Variants in LRPPRC observed in about 807,000 individuals in gnomAD.
The protein encoded by LRPPRC is leucine-rich PPR motif-containing protein, mitochondrial.
A neutral mutation model predicts 180.3 loss-of-function variants in LRPPRC; 120 were observed. The ratio of observed to expected loss-of-function variants is 0.67; its 90% confidence interval spans 0.57 to 0.77. The LOEUF (loss-of-function observed/expected upper bound fraction) is 0.77, where lower values mean the gene tolerates loss of function less well. Ranked by LOEUF, LRPPRC falls within the 30% of genes least tolerant of loss-of-function variation. The pLI is 0.00. For missense variants in LRPPRC, 2,012 were observed against 1,657.2 expected (o/e 1.21, Z -3.72); for synonymous variants, 723 against 600.0 (o/e 1.21, Z -3.00).
intron 25 of LRPPRC, among the ~76,000 whole-genome samples, chr2:43,929,851 C>A (rs1672021337): frequency 6.6e-6 from 1 of 152,072 alleles, no homozygotes; most frequent in African/African-American, 2.4e-5. Context: ...AAATTATCCA[C>A]TTGACCAGGT....
chr2:43,995,467 G>A (rs545691351), intron 1 of LRPPRC, among the ~76,000 whole-genome samples: 2 of 152,222 alleles, frequency 1.3e-5, no homozygotes, highest in Non-Finnish European at 2.9e-5. Context: ...GTAAGGAAAA[G>A]ACCACCACCC....
chr2:43,972,203 T>C (rs892090687), intron 11 of LRPPRC, among the ~76,000 whole-genome samples: 3 of 152,204 alleles, frequency 2.0e-5, no homozygotes, highest in South Asian at 2.1e-4. Flanking sequence ...AGTCACTGAA[T>C]GTCTGTGTGG....
chr2:43,947,271 G>A lies in LRPPRC; in HGVS notation c.2065C>T (p.Leu689Phe), dbSNP rs1302227495. ...RDVLKQLILV[L>F]CSEENMQKAL... ...ACAAATGTTACCTCTTCTGAACAAA[G>A]CACTAATATGAGTTGCTTTAGGACA... Residue 689 changes from leucine (L) to phenylalanine (F), a missense_variant, in exon 20 of 38, where the codon CTT becomes TTT. Physicochemically the swap from Leu to Phe is conservative, Grantham distance 22. Transcript: ENST00000260665. 2.6e-6 allele frequency: 4 copies of A among 1,564,408 alleles called. No homozygotes were observed. Among genetic ancestry groups the A allele is most frequent in the East Asian group, 4.5e-5 (2 of 44,514 alleles).
intron 27 of LRPPRC, among the ~76,000 whole-genome samples, chr2:43,920,119 T>C (rs1671646383): frequency 1.3e-5 from 2 of 148,626 alleles, no homozygotes; most frequent in African/African-American, 2.5e-5. Context: ...GAAATTCCCC[T>C]GGGTCACACA....
At chr2:43,907,359 A>AT (rs1328258281) in intron 30 of LRPPRC, among the ~76,000 whole-genome samples, 1 of 152,228 alleles carries the variant, frequency 6.6e-6, no homozygotes, top group Non-Finnish European at 1.5e-5. Flanking sequence ...AAAGGAAAAA[A>AT]TTTTAAAAAG....
intron 7 of LRPPRC, 73 bp from the exon 8 acceptor site, chr2:43,974,831 T>C: frequency 2.7e-6 from 4 of 1,469,846 alleles, no homozygotes; most frequent in Non-Finnish European, 1.9e-6. Context: ...AAATAAAATA[T>C]CCAGATTCAA....
chr2:43,937,969 C>A (rs1672333943), intron 23 of LRPPRC, among the ~76,000 whole-genome samples: 1 of 152,128 alleles, frequency 6.6e-6, no homozygotes, highest in African/African-American at 2.4e-5. Flanking sequence ...TGATTTAAAT[C>A]CTGCTAAGAA....
At chr2:43,923,577 A>G (rs1336677793) in intron 27 of LRPPRC, among the ~76,000 whole-genome samples, 1 of 152,176 alleles carries the variant, frequency 6.6e-6, no homozygotes, top group East Asian at 1.9e-4. Context: ...ACTACCACAT[A>G]CTTACAGTTG....
Position 43,950,608 on chromosome 2 carries a change from G to A in LRPPRC, c.1650-8C>T, listed in dbSNP as rs1369519127. On this transcript the variant is annotated splice_polypyrimidine_tract_variant and splice_region_variant and intron_variant, in intron 14 of 37. Coordinates refer to ENST00000260665, the MANE Select transcript of LRPPRC (RefSeq NM_133259.4). ...AGATTTATATTCATAGACCTGCAGA[G>A]GGCAGCAAAGGATCGAAAATAAACC... The A allele has an allele frequency of 6.2e-7, 1 of 1,612,276 alleles. No individual in the cohort carries two copies. The highest frequency in any genetic ancestry group is 8.5e-7 in the Non-Finnish European group (1 of 1,178,454).
At chr2:43,947,142 C>A (rs1672708686) in intron 20 of LRPPRC, 115 bp downstream of exon 20, 2 of 596,470 alleles carry the variant, frequency 3.4e-6, no homozygotes, top group Non-Finnish European at 5.9e-6. Context: ...GCATTCTTTA[C>A]AAGCCTGACA....
In LRPPRC at chr2:43,974,154, T is replaced by A; in HGVS notation, c.1151A>T (p.Asn384Ile). The A allele has an allele frequency of 6.2e-7, 1 of 1,613,582 alleles. No homozygotes were observed. Among genetic ancestry groups the A allele is most frequent in the South Asian group, 1.1e-5 (1 of 91,062 alleles). The stretch of plus-strand genomic sequence containing the variant: ...AAGTAAAAGTGGACAGAATACCGTA[T>A]TCATAGTCACACAGTGTTGTAAAAA... ...SFFLQHCVTMNTPVEKLTDYC... is the reference protein window; with the variant it reads ...SFFLQHCVTMITPVEKLTDYC... The change falls in exon 9 of 38, where the codon AAT becomes ATT. Residue 384 changes from asparagine (N) to isoleucine (I), a missense_variant. Physicochemically the swap from Asn to Ile is moderately radical, Grantham distance 149. Transcript: ENST00000260665.
At chr2:43,913,259 A>C (rs1345720209) in intron 29 of LRPPRC, among the ~76,000 whole-genome samples, 3 of 152,176 alleles carry the variant, frequency 2.0e-5, no homozygotes, top group Non-Finnish European at 4.4e-5. Flanking sequence ...TACACTTTTC[A>C]GTCACTTATA....
chr2:43,976,039 C>T, intron 6 of LRPPRC, 104 bp downstream of exon 6: 1 of 692,630 alleles, frequency 1.4e-6, no homozygotes, highest in East Asian at 2.6e-5. Flanking sequence ...CAATAATTTT[C>T]TCTAATTTAA....
At chr2:43,988,778 C>T (rs1476110969) in intron 1 of LRPPRC, among the ~76,000 whole-genome samples, 2 of 151,942 alleles carry the variant, frequency 1.3e-5, no homozygotes, top group African/African-American at 2.4e-5. Flanking sequence ...CTCCTGACCT[C>T]GTGATCCGCC....
At chr2:43,966,991 C>G (rs1480092018) in intron 11 of LRPPRC, among the ~76,000 whole-genome samples, 2 of 152,090 alleles carry the variant, frequency 1.3e-5, no homozygotes, top group African/African-American at 4.8e-5. Flanking sequence ...GCAGAAGTTG[C>G]AGTGAGCTGA....
intron 21 of LRPPRC, 33 bp from the exon 22 acceptor site, chr2:43,945,450 A>C (rs1672646901): frequency 1.6e-6 from 2 of 1,228,220 alleles, no homozygotes; most frequent in Admixed American, 1.7e-5. Context: ...TATTGTTTTA[A>C]AAGTCAATTA....
chr2:43,965,628 A>G (rs184091426), intron 11 of LRPPRC, among the ~76,000 whole-genome samples: 2 of 152,314 alleles, frequency 1.3e-5, no homozygotes, highest in Non-Finnish European at 2.9e-5. Flanking sequence ...AGGGGCTAAT[A>G]CCTAAAATAT....
At chr2:43,890,218 C>T (rs1237131518) in intron 36 of LRPPRC, 5 of 408,182 alleles carry the variant, frequency 1.2e-5, no homozygotes, top group South Asian at 1.0e-4. Context: ...TAAAATAATA[C>T]ACACCATTCA....
At position 43,918,248 on chromosome 2, in the gene LRPPRC, A is replaced by G. The variant is rs1671548331; in HGVS notation, c.3039+8T>C. 6.2e-7 allele frequency: 1 copy of G among 1,613,086 alleles called. No homozygotes were observed. The highest frequency in any genetic ancestry group is 8.5e-7 in the Non-Finnish European group (1 of 1,179,076). ...AAAATCTGTTACGATTATGCCAAAA[A>G]CAATTACCTCAGGTACGTCAAACGG... On this transcript the variant is annotated splice_region_variant and intron_variant, in intron 28 of 37. Coordinates refer to ENST00000260665, the MANE Select transcript of LRPPRC (RefSeq NM_133259.4).
Sources: allele counts gnomAD v4.1 joint callset (sites outside exome capture counted in the v4.1 genomes callset), GRCh38; gene constraint gnomAD v4.1.1; transcripts MANE v1.5; gene names NCBI Gene and HGNC (gene_info 2026-07-23, HGNC 2026-07-21).